Variants in TCOF1 observed in about 807,000 individuals in gnomAD.
TCOF1 encodes the protein treacle ribosome biogenesis factor 1, also known as treacle protein.
TCOF1 carries 33 observed loss-of-function variants against 149.0 expected under a neutral mutation model. That is an observed-to-expected ratio of 0.22 (90% CI 0.17 to 0.30). TCOF1 has a LOEUF of 0.30. TCOF1 is among the 10% of genes least tolerant of loss of function. The pLI, the probability that TCOF1 is intolerant of heterozygous loss-of-function variation, is 1.00. For synonymous variants in TCOF1, 789 were observed against 738.8 expected (o/e 1.07, Z -1.10); for missense variants, 1,728 against 1,840.7 (o/e 0.94, Z 1.12).
chr5:150,374,057 G>A (rs1159795648), intron 7 of TCOF1, 117 bp from the exon 8 acceptor site: 1 of 1,133,726 alleles, frequency 8.8e-7, no homozygotes, highest in African/African-American at 1.5e-5. Flanking sequence ...GTGGGGAGTG[G>A]GGAGGGAAGC....
chr5:150,395,966 T>C (rs1278946203), intron 23 of TCOF1, among the ~76,000 whole-genome samples: 2 of 152,174 alleles, frequency 1.3e-5, no homozygotes, highest in East Asian at 3.9e-4. Context: ...TTCTGAATTT[T>C]CATTCCATTG....
intron 1 of TCOF1, among the ~76,000 whole-genome samples, chr5:150,360,187 G>T (rs1363075989): frequency 1.3e-5 from 2 of 152,222 alleles, no homozygotes; most frequent in East Asian, 3.8e-4. Flanking sequence ...TTGTCCCCAT[G>T]TTAAGAAGAA....
chr5:150,369,549 G>A lies in TCOF1; in HGVS notation c.586G>A (p.Ala196Thr). Reference sequence around the variant, plus strand: ...CTCAGGGATGGTGTCAGCGGGCCAGGCCGACAGCTCCAGCGAGGACACCTC... The same window carrying A: ...CTCAGGGATGGTGTCAGCGGGCCAGACCGACAGCTCCAGCGAGGACACCTC... ...AKPGMVSAGQ[A>T]DSSSEDTSSS... The change falls in exon 6 of 27, where the codon GCC (alanine) becomes ACC (threonine). Residue 196 changes from alanine (A) to threonine (T), a missense_variant. By Grantham distance (58) the Ala-to-Thr change is moderately conservative. Coordinates refer to ENST00000643257, the MANE Select transcript of TCOF1 (RefSeq NM_001371623.1). 1 of 1,614,114 alleles carries A rather than the reference G, an allele frequency of 6.2e-7. No individual in the cohort carries two copies. The highest frequency in any genetic ancestry group is 8.5e-7 in the Non-Finnish European group (1 of 1,180,034).
chr5:150,365,520 T>C (rs1761147009), intron 3 of TCOF1, among the ~76,000 whole-genome samples: 1 of 152,200 alleles, frequency 6.6e-6, no homozygotes, highest in Non-Finnish European at 1.5e-5. Flanking sequence ...CATCTCCTCA[T>C]AGGTAACCTT....
At chr5:150,365,260 T>C (rs1462241610) in intron 3 of TCOF1, among the ~76,000 whole-genome samples, 2 of 147,104 alleles carry the variant, frequency 1.4e-5, no homozygotes, top group East Asian at 1.9e-4. Context: ...TTTCTTTTTT[T>C]TTTTTTTTTT....
chr5:150,393,271 A>G (rs1370298964), intron 22 of TCOF1, 101 bp from the exon 23 acceptor site: 17 of 1,451,690 alleles, frequency 1.2e-5, no homozygotes, highest in Non-Finnish European at 1.5e-5. Flanking sequence ...GGGTGATCCT[A>G]GAGGCCCCAG....
chr5:150,395,927 C>T (rs898264187), intron 23 of TCOF1, among the ~76,000 whole-genome samples: 1 of 152,294 alleles, frequency 6.6e-6, no homozygotes, highest in Non-Finnish European at 1.5e-5. Flanking sequence ...GGTCTCCTTC[C>T]TCCCAGCTCC....
Position 150,372,075 on chromosome 5 carries a change from A to G in TCOF1, c.709A>G (p.Lys237Glu), listed in dbSNP as rs768532215. ...TTCTACTAAGGAGTCTCCAGCAAGA[A>G]AGGCGGCCCCAGCCCCTGGGAAGGT... ...SVSTKESPAR[K>E]AAPAPGKVGD... is the part of the protein sequence containing the mutation. Residue 237 changes from lysine to glutamate, a missense_variant, in exon 7 of 27, where the codon AAG becomes GAG. Lys to Glu is a moderately conservative substitution (Grantham distance 56). Transcript: ENST00000643257. 16 of 1,614,254 alleles carry G rather than the reference A, an allele frequency of 9.9e-6. No individual in the cohort carries two copies. Among genetic ancestry groups the G allele is most frequent in the Non-Finnish European group, 1.4e-5 (16 of 1,180,050 alleles).
intron 23 of TCOF1, 131 bp downstream of exon 23, chr5:150,393,683 C>A: frequency 8.1e-7 from 1 of 1,227,190 alleles, no homozygotes; most frequent in Non-Finnish European, 1.2e-6. Context: ...CCAAGTGAGA[C>A]CTTGTGGCCT....
At chr5:150,365,119 A>G (rs1289567019) in intron 3 of TCOF1, 4 of 151,950 alleles carry the variant, frequency 2.6e-5, no homozygotes, top group East Asian at 3.9e-4. Context: ...CTGGAGCACA[A>G]TGGCGTGATG....
At chr5:150,382,160 A>G (rs1482118509) in intron 17 of TCOF1, among the ~76,000 whole-genome samples, 1 of 150,184 alleles carries the variant, frequency 6.7e-6, no homozygotes, top group Non-Finnish European at 1.5e-5. Context: ...GCAAGACTCC[A>G]TCTCAAAAAA....
rs372462476 is a variant in TCOF1 at position 150,368,473 on chromosome 5, GC to G, written c.379-242del. On this transcript the variant is annotated intron_variant, in intron 4 of 26. Transcript: ENST00000643257. The stretch of plus-strand genomic sequence containing the variant: ...GTAATGATAAGATCAACAACAAACT[GC>G]TACTTACCACTTAGTAAATAACTAC... The G allele has an allele frequency of 2.7e-3, 1,502 of 558,900 alleles. 31 individuals carry two copies. In the South Asian group the frequency reaches 0.03, roughly 11 times the overall value. 34.6% of individuals were successfully genotyped at this position (558,900 alleles called of 1,614,324 possible).
chr5:150,367,966 TG>T (rs757515953), intron 4 of TCOF1, 49 bp downstream of exon 4: 1 of 1,599,870 alleles, frequency 6.3e-7, no homozygotes, highest in African/African-American at 1.3e-5. Flanking sequence ...TTAAGGTGCC[TG>T]GTAGGGGACA....
At position 150,361,310 on chromosome 5, in the gene TCOF1, A is replaced by G. The variant is rs116319921; in HGVS notation, c.164+99A>G. On this transcript the variant is annotated intron_variant, in intron 2 of 26. Transcript: ENST00000643257. ...CCTATCTGGTCTAAGATCTGTCCCCATAGCCCACTGTGGACACCATTGTTG... is the reference window on the plus strand; with the variant it reads ...CCTATCTGGTCTAAGATCTGTCCCCGTAGCCCACTGTGGACACCATTGTTG... The G allele has an allele frequency of 1.3e-3, 1,835 of 1,420,344 alleles. 17 individuals carry two copies. In the African/African-American group the frequency reaches 0.022, roughly 17 times the overall value. 88.0% of individuals were successfully genotyped at this position (1,420,344 alleles called of 1,614,324 possible).
At chr5:150,377,057 C>T (rs1763976628) in intron 14 of TCOF1, among the ~76,000 whole-genome samples, 1 of 152,222 alleles carries the variant, frequency 6.6e-6, no homozygotes, top group Non-Finnish European at 1.5e-5. Context: ...GAGGTGGCAG[C>T]ATCTGAGCCA....
Position 150,375,602 on chromosome 5 carries a change from G to A in TCOF1, c.1704+48G>A, listed in dbSNP as rs769438172. On this transcript the variant is annotated intron_variant, in intron 11 of 26. Coordinates refer to ENST00000643257, the MANE Select transcript of TCOF1 (RefSeq NM_001371623.1). ...TCTTTCTTTTTCCCCCCCACTCAGA[G>A]TGGAGCTGCCTGTGGCCTCCCAACC... 1.1e-5 allele frequency: 17 copies of A among 1,613,572 alleles called. 1 individual carries two copies. In the South Asian group the frequency reaches 1.6e-4, roughly 16 times the overall value.
chr5:150,360,076 G>A lies in TCOF1; in HGVS notation c.109-1080G>A, dbSNP rs551302378. ...ACACTTTGCCTGAGGTGGAGCAGAGGGAAACTGACTCTTGAAATCTTAGTG... is the reference window on the plus strand; with the variant it reads ...ACACTTTGCCTGAGGTGGAGCAGAGAGAAACTGACTCTTGAAATCTTAGTG... On this transcript the variant is annotated intron_variant, in intron 1 of 26. Transcript: ENST00000643257. Among the ~76,000 whole-genome samples the A allele has an allele frequency of 3.9e-5, 6 of 152,304 alleles. No individual in the cohort carries two copies. In the South Asian group the frequency reaches 1.2e-3, roughly 32 times the overall value.
intron 26 of TCOF1, among the ~76,000 whole-genome samples, 165 bp downstream of exon 26, chr5:150,399,235 C>A (rs1435833776): frequency 6.6e-6 from 1 of 152,154 alleles, no homozygotes; most frequent in African/African-American, 2.4e-5. Context: ...GGGGTGACAT[C>A]AGGAGCTGGC....
chr5:150,374,586 T>C (rs553190321), intron 8 of TCOF1, 31 bp from the exon 9 acceptor site: 1 of 1,612,476 alleles, frequency 6.2e-7, no homozygotes, highest in South Asian at 1.1e-5. Flanking sequence ...GTCCATCCTC[T>C]GGGCTGTCTC....
Sources: allele counts gnomAD v4.1 joint callset (sites outside exome capture counted in the v4.1 genomes callset), GRCh38; gene constraint gnomAD v4.1.1; transcripts MANE v1.5; gene names NCBI Gene and HGNC (gene_info 2026-07-23, HGNC 2026-07-21).